The following FAAH2 variants were observed in gnomAD, a reference collection of about 807,000 sequenced individuals.
The protein encoded by FAAH2 is fatty acid amide hydrolase 2.
FAAH2 carries 60 observed loss-of-function variants against 36.9 expected under a neutral mutation model. The observed-to-expected ratio is 1.63, with a 90% confidence interval of 1.32 to 2.02. The LOEUF is 2.02. Among genes scored for constraint, FAAH2 ranks in the 30% most tolerant of loss-of-function variants. The pLI is 0.00. For missense variants in FAAH2, 689 were observed against 397.5 expected, an observed-to-expected ratio of 1.73 and a Z score of -6.23; for synonymous variants, 214 against 143.8, an observed-to-expected ratio of 1.49 and a Z score of -3.49.
intron 7 of FAAH2, among the ~76,000 whole-genome samples, chrX:57,407,830 G>T (rs1439589288): frequency 8.9e-6 from 1 of 111,797 alleles, no homozygotes; most frequent in African/African-American, 3.2e-5. Flanking sequence ...TTTTGTGTAT[G>T]GTTTAAGATA....
chrX:57,441,488 CTCTTT>C (rs1183685607), intron 8 of FAAH2, among the ~76,000 whole-genome samples: 1 of 110,347 alleles, frequency 9.1e-6, no homozygotes, highest in Non-Finnish European at 1.9e-5. Context: ...TGATTCCTCT[CTCTTT>C]TCTTCTTTAT....
At chrX:57,323,315 G>A (rs1191920364) in intron 3 of FAAH2, among the ~76,000 whole-genome samples, 3 of 111,556 alleles carry the variant, frequency 2.7e-5, no homozygotes, top group Non-Finnish European at 3.8e-5. Flanking sequence ...TGTCTTTATA[G>A]CAGCATGATT....
intron 8 of FAAH2, among the ~76,000 whole-genome samples, chrX:57,434,409 AT>A (rs1398724325): frequency 8.7e-4 from 96 of 110,434 alleles, no homozygotes; most frequent in Non-Finnish European, 1.1e-3. Flanking sequence ...ATACAAATAT[AT>A]TAGAATATCA....
intron 10 of FAAH2, among the ~76,000 whole-genome samples, chrX:57,474,169 T>C (rs1279782822): frequency 1.8e-5 from 2 of 111,690 alleles, no homozygotes; most frequent in Non-Finnish European, 3.8e-5. Context: ...ATTTAAGCAT[T>C]TTTTGTATGT....
At chrX:57,276,528 GCAAA>G in the FAAH2 span, among the ~76,000 whole-genome samples, 1 of 111,135 alleles carries the variant, frequency 9.0e-6, no homozygotes, top group East Asian at 2.8e-4. Flanking sequence ...AGAAGCAAGA[GCAAA>G]CAAATTCAAA....
chrX:57,389,230 A>G (rs1401409778), intron 7 of FAAH2, among the ~76,000 whole-genome samples: 1 of 97,654 alleles, frequency 1.0e-5, no homozygotes, highest in Non-Finnish European at 2.1e-5. Flanking sequence ...GAGTACCCTA[A>G]TTTTAGTACC....
the FAAH2 span, among the ~76,000 whole-genome samples, chrX:57,151,407 A>G: frequency 4.6e-4 from 51 of 111,507 alleles, no homozygotes; most frequent in Admixed American, 3.5e-3. Flanking sequence ...CCAATCAGAC[A>G]TAGATTTGGT....
chrX:57,295,960 C>T (rs1003272657), intron 2 of FAAH2, among the ~76,000 whole-genome samples: 1 of 112,450 alleles, frequency 8.9e-6, no homozygotes, highest in African/African-American at 3.2e-5. Flanking sequence ...CCAGGAAGCT[C>T]AAACTGGGTG....
chrX:57,439,229 G>C (rs1194355565), intron 8 of FAAH2, among the ~76,000 whole-genome samples: 1 of 109,458 alleles, frequency 9.1e-6, no homozygotes, highest in East Asian at 2.9e-4. Flanking sequence ...CAGTGTAAAA[G>C]TGTTCCTATT....
chrX:57,449,141 T>A (rs1338358655), intron 10 of FAAH2, among the ~76,000 whole-genome samples: 1 of 112,082 alleles, frequency 8.9e-6, no homozygotes, highest in Non-Finnish European at 1.9e-5. Flanking sequence ...TTAGCTATCA[T>A]CCCCTTTGAA....
intron 1 of FAAH2, among the ~76,000 whole-genome samples, chrX:57,291,846 GCTTAA>G (rs2051994869): frequency 9.0e-6 from 1 of 111,228 alleles, no homozygotes; most frequent in African/African-American, 3.3e-5. Flanking sequence ...CTGCTCACAT[GCTTAA>G]CTTAAGACCT....
intron 4 of FAAH2, among the ~76,000 whole-genome samples, chrX:57,336,625 G>A (rs1237234513): frequency 9.0e-6 from 1 of 111,683 alleles, no homozygotes; most frequent in Non-Finnish European, 1.9e-5. Context: ...CAAACAACCT[G>A]CTCCGGAATG....
chrX:57,466,273 A>G (rs1276926120), intron 10 of FAAH2, among the ~76,000 whole-genome samples: 1 of 105,545 alleles, frequency 9.5e-6, no homozygotes, highest in Non-Finnish European at 1.9e-5. Flanking sequence ...TTTTACTGTA[A>G]ATTAGTTAAT....
chrX:57,404,477 G>A (rs1234828746), intron 7 of FAAH2, among the ~76,000 whole-genome samples: 1 of 111,430 alleles, frequency 9.0e-6, no homozygotes, highest in Non-Finnish European at 1.9e-5. Flanking sequence ...AGTTCCAGTT[G>A]TTAAAGTACT....
intron 3 of FAAH2, among the ~76,000 whole-genome samples, chrX:57,323,282 C>T (rs747917063): frequency 9.0e-6 from 1 of 111,482 alleles, no homozygotes; most frequent in African/African-American, 3.3e-5. Context: ...TGAATAGTGT[C>T]ACAATAAACA....
chrX:57,214,004 G>A, the FAAH2 span, among the ~76,000 whole-genome samples: 18 of 111,711 alleles, frequency 1.6e-4, no homozygotes, highest in South Asian at 6.7e-3. Flanking sequence ...CTCTGATGTT[G>A]GGTGCATTGA....
the FAAH2 span, among the ~76,000 whole-genome samples, chrX:57,182,895 C>T: frequency 1.7e-4 from 19 of 110,912 alleles, no homozygotes; most frequent in African/African-American, 5.6e-4. Flanking sequence ...ATTGTAGGTA[C>T]ATAGTTGGAG....
chrX:57,199,274 A>G, the FAAH2 span, among the ~76,000 whole-genome samples: 2 of 109,816 alleles, frequency 1.8e-5, no homozygotes, highest in African/African-American at 6.6e-5. Flanking sequence ...AGGTCTTGGT[A>G]TGTTGTGTTT....
chrX:57,254,884 C>G, the FAAH2 span, among the ~76,000 whole-genome samples: 3 of 110,784 alleles, frequency 2.7e-5, no homozygotes, highest in African/African-American at 9.8e-5. Flanking sequence ...CAAAAGCAAA[C>G]AAATTCAAAA....
Sources: gnomAD v4.1 joint callset for allele counts (sites outside exome capture counted in the v4.1 genomes callset) on GRCh38, gnomAD v4.1.1 for gene constraint, MANE v1.5 for transcripts, NCBI Gene and HGNC (gene_info 2026-07-23, HGNC 2026-07-21) for gene names.